The following RDX variants were observed in gnomAD, a reference collection of about 807,000 sequenced individuals.
The protein encoded by RDX is radixin, also known as deafness, autosomal recessive 24.
Under a neutral mutation model 83.7 loss-of-function variants are expected in RDX, and 32 were observed. The ratio of observed to expected loss-of-function variants is 0.38; its 90% CI spans 0.29 to 0.51. RDX has a LOEUF of 0.51. RDX is among the 20% of genes least tolerant of loss of function. The pLI, the probability that RDX is intolerant of heterozygous loss-of-function variation, is 0.87. For synonymous variants in RDX, 229 were observed against 222.7 expected, an observed-to-expected ratio of 1.03 and a Z score of -0.25; for missense variants, 600 against 689.9, an observed-to-expected ratio of 0.87 and a Z score of 1.46.
chr11:110,258,857 C>A (rs917707799), intron 5 of RDX, among the ~76,000 whole-genome samples: 7 of 145,714 alleles, frequency 4.8e-5, no homozygotes, highest in Admixed American at 7.0e-5. Flanking sequence ...CAAATGTGAG[C>A]AAATACATTC....
chr11:110,283,309 A>G (rs1860840792), intron 1 of RDX, among the ~76,000 whole-genome samples: 1 of 152,164 alleles, frequency 6.6e-6, no homozygotes, highest in Admixed American at 6.5e-5. Context: ...GTCTGCCACC[A>G]TGTCTGACTA....
intron 10 of RDX, among the ~76,000 whole-genome samples, chr11:110,238,074 T>C (rs1054459075): frequency 2.7e-4 from 41 of 152,214 alleles, no homozygotes; most frequent in Admixed American, 6.5e-5. Context: ...AGTAAACAAA[T>C]TGCCATGTTT....
chr11:110,263,149 C>T (rs1366827314), intron 5 of RDX, among the ~76,000 whole-genome samples: 1 of 152,038 alleles, frequency 6.6e-6, no homozygotes, highest in African/African-American at 2.4e-5. Context: ...GCGGCAGATG[C>T]CTGTAATCCC....
intron 7 of RDX, among the ~76,000 whole-genome samples, chr11:110,256,134 C>T (rs1859538220): frequency 6.6e-6 from 1 of 152,190 alleles, no homozygotes; most frequent in Non-Finnish European, 1.5e-5. Context: ...AAATGCATCA[C>T]TATTGTCCTA....
chr11:110,259,965 A>G (rs908057904), intron 5 of RDX, among the ~76,000 whole-genome samples: 7 of 151,192 alleles, frequency 4.6e-5, no homozygotes, highest in African/African-American at 1.5e-4. Flanking sequence ...CAAACACCCA[A>G]TACTCTATGG....
chr11:110,244,028 A>G (rs1433399095), intron 10 of RDX, among the ~76,000 whole-genome samples: 2 of 152,200 alleles, frequency 1.3e-5, no homozygotes, highest in African/African-American at 2.4e-5. Flanking sequence ...AAATGAGGAC[A>G]TATGAACAAC....
intron 2 of RDX, among the ~76,000 whole-genome samples, chr11:110,276,522 C>A (rs571173861): frequency 6.6e-6 from 1 of 152,022 alleles, no homozygotes; most frequent in Non-Finnish European, 1.5e-5. Flanking sequence ...ACAAAATACA[C>A]CATTTATGAT....
intron 14 of RDX, among the ~76,000 whole-genome samples, chr11:110,201,903 T>TTGTGTGCG (rs1555029997): frequency 1.5e-5 from 2 of 137,220 alleles, no homozygotes; most frequent in Non-Finnish European, 3.1e-5. Flanking sequence ...CCGGCTAATT[T>TTGTGTGCG]TGTGTGTGTG....
At chr11:110,259,390 C>T (rs1263493693) in intron 5 of RDX, among the ~76,000 whole-genome samples, 2 of 152,202 alleles carry the variant, frequency 1.3e-5, no homozygotes, top group Admixed American at 6.5e-5. Flanking sequence ...CCAGATCCTA[C>T]TTTACTGACA....
intron 3 of RDX, among the ~76,000 whole-genome samples, chr11:110,270,326 T>C (rs1860253037): frequency 6.6e-6 from 1 of 152,204 alleles, no homozygotes; most frequent in South Asian, 2.1e-4. Context: ...TATTGAATAC[T>C]GTAGGCAACT....
chr11:110,177,661 T>C (rs984589251), intron 15 of RDX, among the ~76,000 whole-genome samples: 1 of 151,990 alleles, frequency 6.6e-6, no homozygotes, highest in South Asian at 2.1e-4. Flanking sequence ...GTGTGTGTGT[T>C]TTTGGTAGAG....
downstream of RDX, among the ~76,000 whole-genome samples, chr11:110,227,770 A>G (rs1276096367): frequency 6.6e-6 from 1 of 152,092 alleles, no homozygotes; most frequent in Non-Finnish European, 1.5e-5. Context: ...TTAAATAAGA[A>G]CCCGGAGCCA....
chr11:110,284,605 C>G (rs1219024665), intron 1 of RDX, among the ~76,000 whole-genome samples: 3 of 151,664 alleles, frequency 2.0e-5, no homozygotes, highest in African/African-American at 7.3e-5. Context: ...ACTGCAAGCT[C>G]TGCCTCCCGG....
intron 5 of RDX, among the ~76,000 whole-genome samples, chr11:110,262,208 G>A (rs1859834541): frequency 6.6e-6 from 1 of 152,030 alleles, no homozygotes; most frequent in Admixed American, 6.6e-5. Context: ...GACTCTCTTG[G>A]TGAACAACTT....
chr11:110,203,669 TA>T (rs1863497381), intron 14 of RDX, among the ~76,000 whole-genome samples: 1 of 151,846 alleles, frequency 6.6e-6, no homozygotes, highest in Non-Finnish European at 1.5e-5. Context: ...CCACAAAAAT[TA>T]AAAATAAATT....
chr11:110,181,026 T>C (rs1172202028), intron 15 of RDX, among the ~76,000 whole-genome samples: 2 of 152,110 alleles, frequency 1.3e-5, no homozygotes, highest in African/African-American at 4.8e-5. Flanking sequence ...ATATGATGAA[T>C]GAGTGGACAA....
intron 5 of RDX, among the ~76,000 whole-genome samples, chr11:110,262,387 C>G (rs147380606): frequency 9.2e-4 from 140 of 152,222 alleles, no homozygotes; most frequent in Middle Eastern, 3.4e-3. Context: ...GAGTTCGAGA[C>G]CAGCCTGACC....
chr11:110,277,169 GAAC>G (rs1369961510), intron 2 of RDX, among the ~76,000 whole-genome samples: 1 of 152,068 alleles, frequency 6.6e-6, no homozygotes, highest in African/African-American at 2.4e-5. Flanking sequence ...ACTCTTTAAG[GAAC>G]AATAAACACT....
intron 10 of RDX, among the ~76,000 whole-genome samples, chr11:110,238,057 T>C (rs1864934543): frequency 6.6e-6 from 1 of 152,224 alleles, no homozygotes; most frequent in African/African-American, 2.4e-5. Context: ...TCTGAAGTTT[T>C]GACCTCAGTA....
Sources: allele counts gnomAD v4.1 joint callset (sites outside exome capture counted in the v4.1 genomes callset), GRCh38; gene constraint gnomAD v4.1.1; transcripts MANE v1.5; gene names NCBI Gene and HGNC (gene_info 2026-07-23, HGNC 2026-07-21).